Variants in PCDHA5 observed in about 807,000 individuals in gnomAD.
The protein encoded by PCDHA5 is protocadherin alpha 5, also known as protocadherin alpha-5.
In PCDHA5, 43 loss-of-function variants were observed where a neutral mutation model predicts 61.6. The observed-to-expected ratio is 0.70, with a 90% CI of 0.55 to 0.90. The LOEUF is 0.90. Among genes scored for constraint, PCDHA5 ranks in the 40% least tolerant of loss-of-function variants. The pLI is 0.00. For synonymous variants in PCDHA5, 627 were observed against 543.9 expected, an observed-to-expected ratio of 1.15 and a Z score of -2.13; for missense variants, 1,298 against 1,222.7, an observed-to-expected ratio of 1.06 and a Z score of -0.92.
intron 1 of PCDHA5, chr5:140,868,005 T>C (rs1405523098): frequency 6.6e-6 from 1 of 152,108 alleles, no homozygotes; most frequent in East Asian, 1.9e-4. Flanking sequence ...TATAACTGAA[T>C]TAGATTAAGG....
intron 1 of PCDHA5, chr5:140,842,408 G>A (rs1266480987): frequency 1.2e-6 from 2 of 1,612,204 alleles, no homozygotes; most frequent in Non-Finnish European, 1.7e-6. Flanking sequence ...ACGTGAAGAC[G>A]CTCAATTTGG....
At chr5:140,926,946 A>G in intron 1 of PCDHA5, 1 of 1,590,228 alleles carries the variant, frequency 6.3e-7, no homozygotes. Context: ...GCGGCGCTGC[A>G]GCGGGACAGC....
At chr5:140,973,062 G>GTC (rs1554234872) in intron 1 of PCDHA5, among the ~76,000 whole-genome samples, 1 of 152,138 alleles carries the variant, frequency 6.6e-6, no homozygotes, top group African/African-American at 2.4e-5. Context: ...GTCCAACAGT[G>GTC]TCTCAGTGGG....
At chr5:140,875,373 A>G in intron 1 of PCDHA5, 7 of 1,454,810 alleles carry the variant, frequency 4.8e-6, no homozygotes, top group Non-Finnish European at 6.3e-6. Flanking sequence ...AAAATTTACT[A>G]AATATGTACT....
intron 1 of PCDHA5, chr5:140,853,446 T>C: frequency 1.0e-6 from 1 of 980,482 alleles, no homozygotes; most frequent in Non-Finnish European, 1.2e-6. Context: ...TTTTGCCTAA[T>C]AGGTCTCCTT....
intron 1 of PCDHA5, among the ~76,000 whole-genome samples, chr5:140,922,038 T>A (rs1048446579): frequency 6.6e-6 from 1 of 152,088 alleles, no homozygotes. Context: ...AATGTAATTT[T>A]CCCACATACC....
chr5:140,887,880 G>A (rs2061617016), intron 1 of PCDHA5, among the ~76,000 whole-genome samples: 1 of 151,970 alleles, frequency 6.6e-6, no homozygotes, highest in African/African-American at 2.4e-5. Flanking sequence ...TCCTTTTGTA[G>A]TATCATATCT....
At chr5:140,850,305 A>T in intron 1 of PCDHA5, 1 of 1,596,974 alleles carries the variant, frequency 6.3e-7, no homozygotes, top group African/African-American at 1.3e-5. Flanking sequence ...CTCGGGCTAC[A>T]ACGCGTGGCT....
chr5:140,970,471 G>T (rs773565871), intron 1 of PCDHA5, among the ~76,000 whole-genome samples: 1 of 152,142 alleles, frequency 6.6e-6, no homozygotes, highest in African/African-American at 2.4e-5. Context: ...TAGGTATAAG[G>T]CCAGCTTGTT....
chr5:140,953,809 G>A (rs1244835717), intron 1 of PCDHA5, among the ~76,000 whole-genome samples: 2 of 152,168 alleles, frequency 1.3e-5, no homozygotes, highest in East Asian at 1.9e-4. Context: ...GTTCTGAGGT[G>A]CATGTGCTAG....
intron 2 of PCDHA5, among the ~76,000 whole-genome samples, chr5:140,980,573 T>G (rs1040024915): frequency 6.6e-6 from 1 of 152,066 alleles, no homozygotes; most frequent in Non-Finnish European, 1.5e-5. Context: ...GAAGTTGCAG[T>G]GAGCCAAGAT....
rs185799175 is a variant in PCDHA5, at chr5:140,887,220, C to G, written c.2352+63093C>G. ...CACGCCATTCTCCTGCCTCAGCCTC[C>G]CGAGTAGCTGAGACTACCGGCGCCC... On this transcript the variant is annotated intron_variant, in intron 1 of 3. Coordinates refer to ENST00000529859, the MANE Select transcript of PCDHA5 (RefSeq NM_018908.3). Among the ~76,000 whole-genome samples, 14 of 152,078 alleles carry G rather than the reference C, an allele frequency of 9.2e-5. No individual in the cohort carries two copies. In the East Asian group the frequency reaches 2.7e-3, roughly 30 times the overall value.
At chr5:140,996,129 G>A (rs190965499) in intron 3 of PCDHA5, among the ~76,000 whole-genome samples, 1 of 152,210 alleles carries the variant, frequency 6.6e-6, no homozygotes, top group Non-Finnish European at 1.5e-5. Flanking sequence ...TGGTGTAGAG[G>A]GTTCTCCCAT....
intron 1 of PCDHA5, among the ~76,000 whole-genome samples, chr5:140,900,485 C>T (rs577392455): frequency 6.6e-5 from 10 of 152,310 alleles, no homozygotes; most frequent in African/African-American, 2.2e-4. Flanking sequence ...CCATGTTGGT[C>T]AGACTGGTCT....
chr5:141,000,485 T>C (rs2097941579), intron 3 of PCDHA5, among the ~76,000 whole-genome samples: 2 of 135,980 alleles, frequency 1.5e-5, no homozygotes, highest in African/African-American at 5.5e-5. Flanking sequence ...TGGAGTGCAA[T>C]GGTAAGATCT....
intron 1 of PCDHA5, chr5:140,876,199 G>C: frequency 6.2e-7 from 1 of 1,613,940 alleles, no homozygotes; most frequent in South Asian, 1.1e-5. Flanking sequence ...TCCGGCGTTT[G>C]ATAAGCCCAG....
At chr5:140,927,893 A>G (rs1554205201) in intron 1 of PCDHA5, 1 of 1,614,050 alleles carries the variant, frequency 6.2e-7, no homozygotes, top group Non-Finnish European at 8.5e-7. Flanking sequence ...ACTGACGTGA[A>G]CGATCATGCC....
rs184537292 is a variant in PCDHA5, at chr5:140,970,210, C to T, written c.2353-8739C>T. Among the ~76,000 whole-genome samples, 8 of 152,308 alleles carry T rather than the reference C, an allele frequency of 5.3e-5. No homozygotes were observed. The East Asian group carries it at 1.5e-3, about 29-fold the overall frequency. On this transcript the variant is annotated intron_variant, in intron 1 of 3. Transcript: ENST00000529859. Reference sequence around the variant, plus strand: ...TGTAAGAGGATTTCCCTGAATTTAGCTTAAATGCAGCCTGTAATCTTCTGA... The same window carrying T: ...TGTAAGAGGATTTCCCTGAATTTAGTTTAAATGCAGCCTGTAATCTTCTGA...
chr5:140,964,216 T>C (rs1267795511), intron 1 of PCDHA5, among the ~76,000 whole-genome samples: 1 of 152,214 alleles, frequency 6.6e-6, no homozygotes, highest in Non-Finnish European at 1.5e-5. Context: ...TAGTACAATG[T>C]CTTTCAAAAT....
Sources: allele counts gnomAD v4.1 joint callset (sites outside exome capture counted in the v4.1 genomes callset), GRCh38; gene constraint gnomAD v4.1.1; transcripts MANE v1.5; gene names NCBI Gene and HGNC (gene_info 2026-07-23, HGNC 2026-07-21).